Variants in MMP10 observed in about 807,000 individuals in gnomAD.
MMP10 encodes matrix metallopeptidase 10.
MMP10 carries 50 observed loss-of-function variants against 49.1 expected under a neutral mutation model. The ratio of observed to expected loss-of-function variants is 1.02; its 90% confidence interval spans 0.81 to 1.29. The LOEUF is 1.29. MMP10 is among the 50% of genes most tolerant of loss of function. The pLI, the probability that MMP10 is intolerant of heterozygous loss-of-function variation, is 0.00. For missense variants in MMP10, 613 were observed against 563.8 expected (o/e 1.09, Z -0.88); for synonymous variants, 229 against 201.6 (o/e 1.14, Z -1.15).
chr11:102,770,967 A>C, intron 9 of MMP10, 74 bp from the exon 10 acceptor site: 1 of 988,410 alleles, frequency 1.0e-6, no homozygotes, highest in Non-Finnish European at 1.6e-6. Context: ...ACTTAGATTA[A>C]GTACAAGTTA....
intron 9 of MMP10, among the ~76,000 whole-genome samples, chr11:102,771,609 A>C (rs949677101): frequency 6.6e-6 from 1 of 152,216 alleles, no homozygotes; most frequent in African/African-American, 2.4e-5. Context: ...AGCCCAGACA[A>C]GGCTCCCCTG....
intron 4 of MMP10, 43 bp downstream of exon 4, chr11:102,778,581 T>C (rs968315947): frequency 1.2e-6 from 2 of 1,607,314 alleles, no homozygotes; most frequent in African/African-American, 2.7e-5. Context: ...TGGGTAGGAT[T>C]GGACATTATT....
Position 102,770,724 on chromosome 11 carries a change from C to G in MMP10, c.*69G>C. ...GCAGGAAAAATTAACCATTTTGGCTCATAATACATTAGATGAATAATTATT... is the reference window on the plus strand; with the variant it reads ...GCAGGAAAAATTAACCATTTTGGCTGATAATACATTAGATGAATAATTATT... On this transcript the variant is annotated 3_prime_UTR_variant, in exon 10 of 10. Coordinates refer to ENST00000279441, the MANE Select transcript of MMP10 (RefSeq NM_002425.3). 9.5e-7 allele frequency: 1 copy of G among 1,056,656 alleles called. No individual in the cohort carries two copies. Among genetic ancestry groups the G allele is most frequent in the Non-Finnish European group, 1.4e-6 (1 of 718,710 alleles). The allele number at this position is 1,056,656 out of a possible 1,614,324, so 65.5% of individuals were successfully genotyped here. A position where few individuals can be genotyped will look rare whatever the true frequency, so the allele number is the denominator to read the frequency against.
chr11:102,773,079 T>C (rs1861990730), intron 7 of MMP10, 73 bp from the exon 8 acceptor site: 1 of 1,422,544 alleles, frequency 7.0e-7, no homozygotes, highest in Admixed American at 2.3e-5. Flanking sequence ...TGCATTGTTG[T>C]GGTAAAGAGG....
At position 102,772,835 on chromosome 11, in the gene MMP10, C is replaced by G; in HGVS notation, c.1226+12G>C. The G allele has an allele frequency of 6.2e-7, 1 of 1,603,492 alleles. No homozygotes were observed. The highest frequency in any genetic ancestry group is 8.5e-7 in the Non-Finnish European group (1 of 1,176,030). On this transcript the variant is annotated intron_variant, in intron 8 of 9. Transcript: ENST00000279441. The surrounding 1 kb of genome is among the most constrained non-coding windows in gnomAD (Gnocchi z 4.4). ...TCAGGCTTCATAGAAAGTCATTTCT[C>G]TTGCATCTCACCTCCAGTATTTGTC...
At position 102,778,706 on chromosome 11, in the gene MMP10, C is replaced by T. The variant is rs374394583; in HGVS notation, c.540G>A (p.Leu180=). The T allele has an allele frequency of 1.9e-5, 30 of 1,613,866 alleles. No individual in the cohort carries two copies. Among genetic ancestry groups the T allele is most frequent in the Non-Finnish European group, 2.5e-5 (30 of 1,179,976 alleles). The change falls in exon 4 of 10, where the codon TTG becomes TTA. Residue 180 remains leucine, a synonymous_variant. Transcript: ENST00000279441. ...CAGGTCCAGGTGGGTAGGCATGAGC[C>T]AAACTGTGTCCTGGGCCATCAAAAG... The part of the protein sequence containing the change: ...FYSFDGPGHS[L]AHAYPPGPGL...
At chr11:102,774,721 A>G (rs1862005056) in intron 7 of MMP10, among the ~76,000 whole-genome samples, 3 of 152,190 alleles carry the variant, frequency 2.0e-5, no homozygotes, top group Admixed American at 6.6e-5. Flanking sequence ...AGAAGCCTCT[A>G]TACCTGAATA....
In MMP10 at chr11:102,779,183, A is replaced by G. The variant is rs1857787589; in HGVS notation, c.496+30T>C. On this transcript the variant is annotated intron_variant, in intron 3 of 9. Transcript: ENST00000279441. ...TATAGCAGTCTGAACAGATGAATAC[A>G]CCAGATAAATGGATGCTTTATTTGA... 1.9e-6 allele frequency: 3 copies of G among 1,610,784 alleles called. No individual in the cohort carries two copies. In the South Asian group the frequency reaches 3.3e-5, roughly 18 times the overall value.
intron 9 of MMP10, among the ~76,000 whole-genome samples, chr11:102,771,500 C>T (rs1250083178): frequency 3.3e-5 from 5 of 152,142 alleles, no homozygotes; most frequent in Non-Finnish European, 5.9e-5. Context: ...TTCCTATTTG[C>T]CCATTACCAG....
At chr11:102,778,853 T>G in intron 3 of MMP10, 104 bp from the exon 4 acceptor site, 1 of 1,357,544 alleles carries the variant, frequency 7.4e-7, no homozygotes, top group Non-Finnish European at 1.0e-6. Flanking sequence ...TGGTGTCTGC[T>G]GCAAATTCAT....
chr11:102,771,766 AT>A (rs1861977536), intron 9 of MMP10, among the ~76,000 whole-genome samples: 1 of 151,646 alleles, frequency 6.6e-6, no homozygotes, highest in Non-Finnish European at 1.5e-5. Context: ...GTATCCTTTG[AT>A]TTTATGTGCG....
Position 102,778,693 on chromosome 11 carries a change from G to A in MMP10, c.553C>T (p.Pro185Ser), listed in dbSNP as rs764127068. 1 of 1,613,796 alleles carries A rather than the reference G, an allele frequency of 6.2e-7. No homozygotes were observed. The change falls in exon 4 of 10, where the codon CCA (proline) becomes TCA (serine). Residue 185 changes from proline to serine, a missense_variant. Coordinates refer to ENST00000279441, the MANE Select transcript of MMP10 (RefSeq NM_002425.3). ...GPGHSLAHAY[P>S]PGPGLYGDIH... Reference sequence around the variant, plus strand: ...TCTCCATAAAGCCCAGGTCCAGGTGGGTAGGCATGAGCCAAACTGTGTCCT... The same window carrying A: ...TCTCCATAAAGCCCAGGTCCAGGTGAGTAGGCATGAGCCAAACTGTGTCCT...
intron 4 of MMP10, 127 bp from the exon 5 acceptor site, chr11:102,776,903 T>C (rs1857749514): frequency 9.1e-7 from 1 of 1,096,004 alleles, no homozygotes; most frequent in South Asian, 1.4e-5. Flanking sequence ...TGTGGATTGG[T>C]TCATTGATTG....
chr11:102,779,310 A>G lies in MMP10; in HGVS notation c.399T>C (p.Ile133=). Residue 133 remains isoleucine, a synonymous_variant, in exon 3 of 10, where the codon ATT becomes ATC. Transcript: ENST00000279441. ...DLPRDAVDSA[I]EKALKVWEEV... is the part of the protein sequence containing the mutation. ...CTTCCCAGACTTTCAGAGCTTTCTC[A>G]ATGGCAGAATCAACAGCATCTCTTG... 1 of 1,614,114 alleles carries G rather than the reference A, an allele frequency of 6.2e-7. No individual in the cohort carries two copies. Among genetic ancestry groups the G allele is most frequent in the Non-Finnish European group, 8.5e-7 (1 of 1,179,974 alleles).
At position 102,779,367 on chromosome 11, in the gene MMP10, G is replaced by A. The variant is rs1361323429; in HGVS notation, c.348-6C>T. On this transcript the variant is annotated splice_polypyrimidine_tract_variant and splice_region_variant and intron_variant, in intron 2 of 9. Coordinates refer to ENST00000279441, the MANE Select transcript of MMP10 (RefSeq NM_002425.3). ...CTGGTGTATAATTCACAATCCTGGA[G>A]GAGAAAAATTGAAGAGGATGTTATT... 1 of 1,612,932 alleles carries A rather than the reference G, an allele frequency of 6.2e-7. No individual in the cohort carries two copies. The highest frequency in any genetic ancestry group is 8.5e-7 in the Non-Finnish European group (1 of 1,179,770).
At position 102,770,515 on chromosome 11, in the gene MMP10, C is replaced by G. The variant is rs542843756; in HGVS notation, c.*278G>C. Reference sequence around the variant, plus strand: ...TGTTCTAGAAAGTAAGGAACAGGCCCAAAATAAAACTTTTTATTGAGGAAG... The same window carrying G: ...TGTTCTAGAAAGTAAGGAACAGGCCGAAAATAAAACTTTTTATTGAGGAAG... On this transcript the variant is annotated 3_prime_UTR_variant, in exon 10 of 10. Transcript: ENST00000279441. 28 of 304,606 alleles carry G rather than the reference C, an allele frequency of 9.2e-5. No individual in the cohort carries two copies. The highest frequency in any genetic ancestry group is 1.6e-4 in the Non-Finnish European group (27 of 166,832). The allele number at this position is 304,606 out of a possible 1,614,324, so 18.9% of individuals were successfully genotyped here. A position where few individuals can be genotyped will look rare whatever the true frequency, so the allele number is the denominator to read the frequency against.
At chr11:102,779,846 G>A (rs1200517728) in intron 1 of MMP10, 101 bp from the exon 2 acceptor site, 6 of 1,329,576 alleles carry the variant, frequency 4.5e-6, no homozygotes, top group East Asian at 2.3e-5. Context: ...TAAAACAAAA[G>A]AGGCTATCAC....
At chr11:102,775,433 A>G in intron 6 of MMP10, 112 bp from the exon 7 acceptor site, 1 of 783,934 alleles carries the variant, frequency 1.3e-6, no homozygotes, top group East Asian at 2.8e-5. Context: ...TCTGTATTAA[A>G]CCATCCTCCT....
Position 102,775,247 on chromosome 11 carries a change from G to A in MMP10, c.1007C>T (p.Pro336Leu), listed in dbSNP as rs1862010740. ...HLISAFWPSL[P>L]SYLDAAYEVN... ...TTCATATGCAGCATCCAAATATGAT[G>A]GAAGAGAGGGCCAAAATGCAGAAAT... Residue 336 changes from proline to leucine, a missense_variant, in exon 7 of 10, where the codon CCA becomes CTA. Transcript: ENST00000279441. 2 of 1,610,178 alleles carry A rather than the reference G, an allele frequency of 1.2e-6. No individual in the cohort carries two copies.
Sources: allele counts gnomAD v4.1 joint callset (sites outside exome capture counted in the v4.1 genomes callset), GRCh38; gene constraint gnomAD v4.1.1; non-coding constraint Gnocchi (gnomAD v3.1); transcripts MANE v1.5; gene names NCBI Gene and HGNC (gene_info 2026-07-23, HGNC 2026-07-21).